Variants in KCTD8 observed in about 807,000 individuals in gnomAD.
KCTD8 encodes the protein BTB/POZ domain-containing protein KCTD8.
KCTD8 carries 27 observed loss-of-function variants against 31.5 expected under a neutral mutation model. The observed-to-expected ratio is 0.86, with a 90% confidence interval of 0.63 to 1.18. The LOEUF (loss-of-function observed/expected upper bound fraction) is 1.18. KCTD8 is among the 50% of genes most tolerant of loss of function. The pLI is 0.00. For missense variants in KCTD8, 658 were observed against 647.7 expected (o/e 1.02, Z -0.17); for synonymous variants, 290 against 280.0 (o/e 1.04, Z -0.36).
At chr4:44,353,149 A>G (rs1719256826) in intron 1 of KCTD8, among the ~76,000 whole-genome samples, 1 of 152,086 alleles carries the variant, frequency 6.6e-6, no homozygotes, top group Non-Finnish European at 1.5e-5. Context: ...ACAGACAACC[A>G]CTAACCTGCT....
At chr4:44,435,516 G>T (rs16856933) in intron 1 of KCTD8, among the ~76,000 whole-genome samples, 1 of 151,664 alleles carries the variant, frequency 6.6e-6, no homozygotes, top group Admixed American at 6.6e-5. Flanking sequence ...CCTACTTCTT[G>T]TACTTTTCCG....
At position 44,236,119 on chromosome 4, in the gene KCTD8, G is replaced by A. The variant is rs540008327; in HGVS notation, c.962-60869C>T. On this transcript the variant is annotated intron_variant, in intron 1 of 1. Coordinates refer to ENST00000360029, the MANE Select transcript of KCTD8 (RefSeq NM_198353.3). The stretch of plus-strand genomic sequence containing the variant: ...GATAAGGTTGCCCAGCAGGGGCACC[G>A]GTCACAGCTCCAGCAACTCAGCCAC... Among the ~76,000 whole-genome samples the A allele has an allele frequency of 2.1e-4, 32 of 152,218 alleles. No individual in the cohort carries two copies. In the South Asian group the frequency reaches 2.9e-3, roughly 14 times the overall value.
chr4:44,260,917 G>C (rs1263090604), intron 1 of KCTD8, among the ~76,000 whole-genome samples: 1 of 151,928 alleles, frequency 6.6e-6, no homozygotes, highest in East Asian at 1.9e-4. Flanking sequence ...CTTCAGTGAA[G>C]TAAGACTTAA....
At chr4:44,408,638 T>C (rs931202247) in intron 1 of KCTD8, among the ~76,000 whole-genome samples, 1 of 152,148 alleles carries the variant, frequency 6.6e-6, no homozygotes, top group Non-Finnish European at 1.5e-5. Flanking sequence ...TGTTTGTTTT[T>C]AGACGGAGTC....
intron 1 of KCTD8, among the ~76,000 whole-genome samples, chr4:44,405,817 CAAAAAAAAAA>C (rs903559298): frequency 6.2e-5 from 2 of 32,246 alleles, no homozygotes; most frequent in Non-Finnish European, 1.1e-4. Flanking sequence ...TCCTGTTTCT[CAAAAAAAAAA>C]AAAAAAAAAA....
chr4:44,330,961 C>T (rs551242521), intron 1 of KCTD8, among the ~76,000 whole-genome samples: 14 of 151,772 alleles, frequency 9.2e-5, no homozygotes, highest in African/African-American at 3.4e-4. Context: ...CTTCCTCTTC[C>T]TTGATCCTAA....
At chr4:44,425,026 A>T (rs1245718261) in intron 1 of KCTD8, among the ~76,000 whole-genome samples, 1 of 151,988 alleles carries the variant, frequency 6.6e-6, no homozygotes, top group African/African-American at 2.4e-5. Flanking sequence ...AGATTGGGAC[A>T]CAGATACACT....
chr4:44,345,216 T>C (rs1356360137), intron 1 of KCTD8, among the ~76,000 whole-genome samples: 2 of 152,162 alleles, frequency 1.3e-5, no homozygotes, highest in African/African-American at 4.8e-5. Flanking sequence ...TAATTTACCA[T>C]AGTAATTATT....
At chr4:44,348,410 A>C (rs1435240935) in intron 1 of KCTD8, among the ~76,000 whole-genome samples, 1 of 152,182 alleles carries the variant, frequency 6.6e-6, no homozygotes, top group Non-Finnish European at 1.5e-5. Flanking sequence ...TGTTTCAGTG[A>C]GGGTAGAAAA....
intron 1 of KCTD8, among the ~76,000 whole-genome samples, chr4:44,338,160 T>C (rs1342854766): frequency 2.6e-5 from 4 of 152,150 alleles, no homozygotes; most frequent in African/African-American, 9.7e-5. Flanking sequence ...AGTAATCTAG[T>C]AATGAAATTA....
intron 1 of KCTD8, among the ~76,000 whole-genome samples, chr4:44,256,166 C>T (rs950075414): frequency 6.6e-6 from 1 of 151,848 alleles, no homozygotes; most frequent in Non-Finnish European, 1.5e-5. Context: ...TATTCAATTA[C>T]CTCCCACCAG....
intron 1 of KCTD8, among the ~76,000 whole-genome samples, chr4:44,262,578 G>A (rs1442166685): frequency 6.6e-6 from 1 of 152,038 alleles, no homozygotes; most frequent in African/African-American, 2.4e-5. Context: ...ATGACAAGTA[G>A]AATTTGTTAT....
At chr4:44,438,848 C>G (rs1176327666) in intron 1 of KCTD8, among the ~76,000 whole-genome samples, 1 of 152,286 alleles carries the variant, frequency 6.6e-6, no homozygotes, top group Non-Finnish European at 1.5e-5. Context: ...TTAATTGTGT[C>G]CCTGATACCA....
At chr4:44,283,180 G>T (rs1716950504) in intron 1 of KCTD8, among the ~76,000 whole-genome samples, 1 of 151,808 alleles carries the variant, frequency 6.6e-6, no homozygotes, top group African/African-American at 2.4e-5. Flanking sequence ...CTCCCAAGTA[G>T]TTGGGATTAC....
intron 1 of KCTD8, among the ~76,000 whole-genome samples, chr4:44,387,496 C>T (rs1212959764): frequency 6.6e-6 from 1 of 151,912 alleles, no homozygotes; most frequent in Non-Finnish European, 1.5e-5. Context: ...GTAACCAGAA[C>T]AACATAGCAC....
chr4:44,253,868 T>A (rs898311066), intron 1 of KCTD8, among the ~76,000 whole-genome samples: 8 of 151,922 alleles, frequency 5.3e-5, no homozygotes, highest in Non-Finnish European at 7.4e-5. Flanking sequence ...CAGAAATTGA[T>A]CCTGCAAGTG....
At chr4:44,429,223 T>C (rs1314589324) in intron 1 of KCTD8, among the ~76,000 whole-genome samples, 1 of 151,828 alleles carries the variant, frequency 6.6e-6, no homozygotes, top group East Asian at 1.9e-4. Context: ...AAGCTACTCT[T>C]TCCTCTGCCT....
chr4:44,358,206 T>C (rs1719395705), intron 1 of KCTD8, among the ~76,000 whole-genome samples: 1 of 152,126 alleles, frequency 6.6e-6, no homozygotes, highest in Non-Finnish European at 1.5e-5. Flanking sequence ...TTCACCCATG[T>C]CCCTGCAAAG....
chr4:44,260,351 G>A (rs919807254), intron 1 of KCTD8, among the ~76,000 whole-genome samples: 4 of 151,780 alleles, frequency 2.6e-5, no homozygotes, highest in Admixed American at 6.6e-5. Context: ...ATTGAGCAAC[G>A]AGCAAAACAG....
Sources: gnomAD v4.1 joint callset for allele counts (sites outside exome capture counted in the v4.1 genomes callset) on GRCh38, gnomAD v4.1.1 for gene constraint, MANE v1.5 for transcripts, NCBI Gene and HGNC (gene_info 2026-07-23, HGNC 2026-07-21) for gene names.